Variants in DPYD observed in about 807,000 individuals in gnomAD.
The protein encoded by DPYD is dihydropyrimidine dehydrogenase [NADP(+)].
A neutral mutation model predicts 116.2 loss-of-function variants in DPYD; 109 were observed. The ratio of observed to expected loss-of-function variants is 0.94; its 90% confidence interval spans 0.80 to 1.10. DPYD has a LOEUF of 1.10. DPYD is among the 50% of genes least tolerant of loss of function. DPYD has a pLI of 0.00. For missense variants in DPYD, 1,302 were observed against 1,254.5 expected (o/e 1.04, Z -0.57); for synonymous variants, 440 against 432.0 (o/e 1.02, Z -0.23).
intron 12 of DPYD, among the ~76,000 whole-genome samples, chr1:97,534,253 C>T (rs1422252887): frequency 6.6e-6 from 1 of 151,976 alleles, no homozygotes; most frequent in African/African-American, 2.4e-5. Context: ...AGTGACTGTT[C>T]AATATATGGG....
Position 97,234,898 on chromosome 1 carries a change from G to T in DPYD, c.2396C>A (p.Ala799Asp). The T allele has an allele frequency of 6.2e-7, 1 of 1,613,990 alleles. No individual in the cohort carries two copies. Residue 799 changes from alanine (A) to aspartate (D), a missense_variant, in exon 19 of 23, where the codon GCT becomes GAT. Transcript: ENST00000370192. Reference sequence around the variant, plus strand: ...ATGGAGAAACTGAAGACCACTTTCAGCAGAGTCAATTCCACCAGTAGCCAA... The same window carrying T: ...ATGGAGAAACTGAAGACCACTTTCATCAGAGTCAATTCCACCAGTAGCCAA... ...PILATGGIDSAESGLQFLHSG... is the reference protein window; with the variant it reads ...PILATGGIDSDESGLQFLHSG...
chr1:97,774,950 G>A, intron 3 of DPYD: 1 of 339,390 alleles, frequency 2.9e-6, no homozygotes, highest in South Asian at 2.8e-5. Context: ...ATCCTCAAAG[G>A]TCACCTCACT....
At chr1:97,109,185 ACT>A (rs1239445929) in intron 20 of DPYD, among the ~76,000 whole-genome samples, 3 of 152,136 alleles carry the variant, frequency 2.0e-5, no homozygotes, top group Non-Finnish European at 4.4e-5. Flanking sequence ...TATTTTGAAA[ACT>A]CTAAAGCATT....
At chr1:97,887,871 T>C (rs1390919138) in intron 1 of DPYD, among the ~76,000 whole-genome samples, 2 of 152,018 alleles carry the variant, frequency 1.3e-5, no homozygotes, top group African/African-American at 4.8e-5. Context: ...CGATATGTGA[T>C]GGTTTTATAA....
At chr1:97,875,879 A>G (rs1411706847) in intron 2 of DPYD, among the ~76,000 whole-genome samples, 1 of 152,002 alleles carries the variant, frequency 6.6e-6, no homozygotes, top group Non-Finnish European at 1.5e-5. Context: ...TTTCTAATTC[A>G]TTGCAATGTT....
intron 1 of DPYD, among the ~76,000 whole-genome samples, chr1:97,915,044 T>A (rs1261218895): frequency 1.3e-5 from 2 of 152,148 alleles, no homozygotes; most frequent in Non-Finnish European, 2.9e-5. Context: ...GTGTAACCAA[T>A]TAAAAAAGCA....
At chr1:97,357,437 T>C (rs1670482921) in intron 16 of DPYD, among the ~76,000 whole-genome samples, 1 of 152,172 alleles carries the variant, frequency 6.6e-6, no homozygotes, top group African/African-American at 2.4e-5. Context: ...AGCAACAATT[T>C]GACTTCTGCT....
chr1:97,320,504 T>C (rs1570511803), intron 16 of DPYD, among the ~76,000 whole-genome samples: 1 of 50,414 alleles, frequency 2.0e-5, no homozygotes, highest in African/African-American at 6.5e-5. Flanking sequence ...GAGAATAAAA[T>C]ACCTAGGAAT....
chr1:97,765,221 G>C (rs763907287), intron 3 of DPYD, among the ~76,000 whole-genome samples: 2 of 152,130 alleles, frequency 1.3e-5, no homozygotes, highest in Admixed American at 1.3e-4. Flanking sequence ...CTCATTGTGG[G>C]AGTTGTTTAT....
Position 97,794,494 on chromosome 1 carries a change from G to A in DPYD, c.233+33620C>T, listed in dbSNP as rs542406573. 7.2e-5 allele frequency among the ~76,000 whole-genome samples: 11 copies of A among 152,214 alleles called. No homozygotes were observed. The South Asian group carries it at 1.9e-3, about 26-fold the overall frequency. ...CATTATAGAAAAGCAAATTAAAAAC[G>A]TTAAAGACTGATCATAGATGTTTAC... On this transcript the variant is annotated intron_variant, in intron 3 of 22. Coordinates refer to ENST00000370192, the MANE Select transcript of DPYD (RefSeq NM_000110.4).
chr1:97,447,482 A>C (rs1053056311), intron 14 of DPYD, among the ~76,000 whole-genome samples: 6 of 152,194 alleles, frequency 3.9e-5, no homozygotes, highest in African/African-American at 1.4e-4. Flanking sequence ...GGTATTTAAA[A>C]CGTTATCTTC....
chr1:97,564,753 C>G (rs1251952942), intron 11 of DPYD, among the ~76,000 whole-genome samples: 2 of 152,138 alleles, frequency 1.3e-5, no homozygotes, highest in Non-Finnish European at 2.9e-5. Context: ...AGAAATATAT[C>G]TTGATTCCAA....
In DPYD at chr1:97,662,189, A is replaced by C. The variant is rs570803137; in HGVS notation, c.850+16906T>G. On this transcript the variant is annotated intron_variant, in intron 8 of 22. Transcript: ENST00000370192. ...CTAATTTTTTGTATTTTTAGTAGAG[A>C]TGGGGTTTCACCATGTTAGCCAGGA... Among the ~76,000 whole-genome samples, 14 of 150,688 alleles carry C rather than the reference A, an allele frequency of 9.3e-5. No homozygotes were observed. The East Asian group carries it at 2.8e-3, about 31-fold the overall frequency.
chr1:97,869,609 A>C (rs1240646799), intron 2 of DPYD, among the ~76,000 whole-genome samples: 1 of 151,754 alleles, frequency 6.6e-6, no homozygotes, highest in Non-Finnish European at 1.5e-5. Flanking sequence ...CTTCCATACC[A>C]GGAGGAGAAC....
At chr1:97,896,902 CTTTACTG>C (rs936180818) in intron 1 of DPYD, among the ~76,000 whole-genome samples, 16 of 152,002 alleles carry the variant, frequency 1.1e-4, no homozygotes, top group African/African-American at 3.1e-4. Flanking sequence ...AAACCCCATA[CTTTACTG>C]TTTAATTTAA....
At chr1:97,521,781 C>T (rs930722099) in intron 12 of DPYD, among the ~76,000 whole-genome samples, 1 of 152,094 alleles carries the variant, frequency 6.6e-6, no homozygotes, top group African/African-American at 2.4e-5. Flanking sequence ...TGATCTTTGA[C>T]AAACCTGACA....
At chr1:97,396,116 A>T (rs1157215790) in intron 14 of DPYD, among the ~76,000 whole-genome samples, 1 of 152,064 alleles carries the variant, frequency 6.6e-6, no homozygotes, top group Non-Finnish European at 1.5e-5. Flanking sequence ...CCACAATAAG[A>T]ACTATTACAT....
Position 97,471,936 on chromosome 1 carries a change from T to C in DPYD, c.1741-21713A>G, listed in dbSNP as rs186814825. The stretch of plus-strand genomic sequence containing the variant: ...TGTTTGAAGTAGTGCCTTCAGTTTT[T>C]GGCAAACTAGAAAACTTTAAGTGGA... On this transcript the variant is annotated intron_variant, in intron 13 of 22. Coordinates refer to ENST00000370192, the MANE Select transcript of DPYD (RefSeq NM_000110.4). Among the ~76,000 whole-genome samples, 10 of 152,292 alleles carry C rather than the reference T, an allele frequency of 6.6e-5. No homozygotes were observed. The East Asian group carries it at 1.4e-3, about 21-fold the overall frequency.
chr1:97,700,326 G>A (rs1256741209), intron 5 of DPYD: 1 of 454,646 alleles, frequency 2.2e-6, no homozygotes, highest in Non-Finnish European at 4.4e-6. Context: ...AAGTACAGAA[G>A]AGTGAGATTA....
Sources: allele counts gnomAD v4.1 joint callset (sites outside exome capture counted in the v4.1 genomes callset), GRCh38; gene constraint gnomAD v4.1.1; transcripts MANE v1.5; gene names NCBI Gene and HGNC (gene_info 2026-07-23, HGNC 2026-07-21).